Variants in CASC3 observed in about 807,000 individuals in gnomAD.
CASC3 encodes CASC3 exon junction complex subunit.
Under a neutral mutation model 80.5 loss-of-function variants are expected in CASC3, and 30 were observed. The observed-to-expected ratio is 0.37, with a 90% CI of 0.28 to 0.51. The LOEUF (loss-of-function observed/expected upper bound fraction) is 0.51. CASC3 is among the 20% of genes least tolerant of loss of function. CASC3 has a pLI of 0.94. For missense variants in CASC3, 824 were observed against 922.2 expected, an observed-to-expected ratio of 0.89 and a Z score of 1.38; for synonymous variants, 312 against 333.6, an observed-to-expected ratio of 0.94 and a Z score of 0.70.
rs1472990739 is a variant in CASC3 at position 40,168,024 on chromosome 17, C to G, written c.1750+76C>G. ...TGGGAGTGCCACAAAACCCATCCTC[C>G]TGAGCTTTGTGCTGCTAGCCTGGGA... On this transcript the variant is annotated intron_variant, in intron 10 of 13. Coordinates refer to ENST00000264645, the MANE Select transcript of CASC3 (RefSeq NM_007359.5). The G allele has an allele frequency of 1.3e-5, 19 of 1,458,870 alleles. No homozygotes were observed. In the East Asian group the frequency reaches 4.1e-4, roughly 31 times the overall value. The allele number at this position is 1,458,870 out of a possible 1,614,324, so 90.4% of individuals were successfully genotyped here.
At chr17:40,145,971 C>T (rs951637794) in intron 3 of CASC3, among the ~76,000 whole-genome samples, 2 of 152,044 alleles carry the variant, frequency 1.3e-5, no homozygotes, top group African/African-American at 4.8e-5. Context: ...ATCCAGAGAA[C>T]ACTTGCATCA....
At chr17:40,167,134 G>C (rs1228875468) in intron 8 of CASC3, 1 of 493,096 alleles carries the variant, frequency 2.0e-6, no homozygotes, top group Non-Finnish European at 3.5e-6. Context: ...GCTAATTTTT[G>C]TATTTTTAGT....
chr17:40,166,204 T>C (rs944927745), intron 7 of CASC3, among the ~76,000 whole-genome samples: 1 of 152,254 alleles, frequency 6.6e-6, no homozygotes, highest in Non-Finnish European at 1.5e-5. Context: ...TCCAGCCAGA[T>C]AGATCAAAGG....
chr17:40,150,353 C>A (rs1381045997), intron 3 of CASC3, among the ~76,000 whole-genome samples: 1 of 151,908 alleles, frequency 6.6e-6, no homozygotes, highest in Non-Finnish European at 1.5e-5. Context: ...CCCTGGGTAA[C>A]AGTGTGAGAC....
At chr17:40,161,689 G>A in intron 3 of CASC3, 64 bp from the exon 4 acceptor site, 1 of 1,422,422 alleles carries the variant, frequency 7.0e-7, no homozygotes, top group Admixed American at 1.8e-5. Context: ...TTGGGGGCAG[G>A]GGTGGGAATT....
At chr17:40,145,919 C>G (rs1988850114) in intron 3 of CASC3, among the ~76,000 whole-genome samples, 1 of 151,982 alleles carries the variant, frequency 6.6e-6, no homozygotes, top group African/African-American at 2.4e-5. Context: ...GCATGAGCCA[C>G]TATGCTTTGT....
chr17:40,140,557 C>T lies in CASC3; in HGVS notation c.9C>T (p.Asp3=), dbSNP rs1284352052. The T allele has an allele frequency of 1.2e-6, 2 of 1,607,646 alleles. No homozygotes were observed. The highest frequency in any genetic ancestry group is 1.1e-5 in the South Asian group (1 of 91,066). ...TGGCCGTTCTCCGTAAGATGGCGGA[C>T]CGGCGGCGGCAGCGCGCTTCGCAAG... MA[D]RRRQRASQDT... The change falls in exon 1 of 14, where the codon GAC becomes GAT. Residue 3 remains aspartate (D), a synonymous_variant. Coordinates refer to ENST00000264645, the MANE Select transcript of CASC3 (RefSeq NM_007359.5).
intron 8 of CASC3, chr17:40,167,218 C>T: frequency 1.9e-6 from 1 of 521,038 alleles, no homozygotes; most frequent in Non-Finnish European, 3.4e-6. Flanking sequence ...CCTGGCCTCC[C>T]AAAGTATTGG....
chr17:40,162,182 T>C, intron 5 of CASC3, 29 bp downstream of exon 5: 1 of 1,601,090 alleles, frequency 6.2e-7, no homozygotes, highest in Non-Finnish European at 8.5e-7. Flanking sequence ...TGCTGCTGTC[T>C]AACATGTATT....
Position 40,170,652 on chromosome 17 carries a change from G to A in CASC3, c.*247G>A. 1.0e-6 allele frequency: 1 copy of A among 985,522 alleles called. No individual in the cohort carries two copies. The highest frequency in any genetic ancestry group is 1.2e-6 in the Non-Finnish European group (1 of 829,942). The allele number at this position is 985,522 out of a possible 1,614,324, so 61.0% of individuals were successfully genotyped here. On this transcript the variant is annotated 3_prime_UTR_variant, in exon 14 of 14. Transcript: ENST00000264645. ...TTCACTTGAGTTGGCTGTGTTCGGG[G>A]GAGCAGAGAGAGCCAGACAGCCCCA...
chr17:40,154,293 T>G (rs1042762584), intron 3 of CASC3, among the ~76,000 whole-genome samples: 1 of 152,074 alleles, frequency 6.6e-6, no homozygotes. Flanking sequence ...GCAAGCAGTC[T>G]TCCCACCTCA....
intron 10 of CASC3, 57 bp from the exon 11 acceptor site, chr17:40,168,146 C>A: frequency 2.0e-6 from 3 of 1,497,338 alleles, no homozygotes; most frequent in Non-Finnish European, 2.8e-6. Flanking sequence ...TCCAGCCGGG[C>A]CATCCTGTGA....
chr17:40,141,619 A>G lies in CASC3; in HGVS notation c.297+12A>G, dbSNP rs1224467044. ...CAGAAGACTCGGAAGTGAGTATGAC[A>G]GGTTTTTTCCTATGGTATAGATCAG... is the stretch of plus-strand genomic sequence containing the variant. On this transcript the variant is annotated intron_variant, in intron 3 of 13. Transcript: ENST00000264645. The G allele has an allele frequency of 6.2e-7, 1 of 1,609,200 alleles. No homozygotes were observed. Among genetic ancestry groups the G allele is most frequent in the Admixed American group, 1.7e-5 (1 of 59,960 alleles).
chr17:40,160,625 C>CTGTTTTTT (rs961910763), intron 3 of CASC3, among the ~76,000 whole-genome samples: 22 of 152,058 alleles, frequency 1.4e-4, no homozygotes, highest in African/African-American at 2.9e-4. Context: ...GAGGCTGCCG[C>CTGTTTTTT]TGTTTTTTTG....
chr17:40,158,117 A>G (rs900001496), intron 3 of CASC3, among the ~76,000 whole-genome samples: 1 of 152,246 alleles, frequency 6.6e-6, no homozygotes, highest in Admixed American at 6.5e-5. Flanking sequence ...TCCAGCGTCA[A>G]CTATACCCAG....
chr17:40,141,397 C>CTTCA (rs1988713332), intron 2 of CASC3, 163 bp downstream of exon 2: 1 of 838,944 alleles, frequency 1.2e-6, no homozygotes. Context: ...GCAGTATAGT[C>CTTCA]TTCAGCAAGT....
rs1361989919 is a variant in CASC3 at position 40,157,369 on chromosome 17, AT to A, written c.298-4382del. On this transcript the variant is annotated intron_variant, in intron 3 of 13. Transcript: ENST00000264645. ...AATAAATAAATAAATAAATAAATAA[AT>A]TAATTAATTAATTAATTAAAAGGGG... 8.3e-3 allele frequency among the ~76,000 whole-genome samples: 1,127 copies of A among 136,214 alleles called. 10 individuals carry two copies. The highest frequency in any genetic ancestry group is 0.028 in the African/African-American group (933 of 33,904). The allele number at this position is 136,214 out of a possible 152,430, so 89.4% of individuals were successfully genotyped here. A position where few individuals can be genotyped will look rare whatever the true frequency, so the allele number is the denominator to read the frequency against.
At chr17:40,140,885 C>CT (rs1369021876) in intron 1 of CASC3, 106 bp downstream of exon 1, 49 of 913,296 alleles carry the variant, frequency 5.4e-5, no homozygotes, top group Non-Finnish European at 6.3e-5. Context: ...GATACTGGGA[C>CT]TTTTTTTTGT....
At chr17:40,145,262 C>G (rs745819893) in intron 3 of CASC3, among the ~76,000 whole-genome samples, 1 of 151,798 alleles carries the variant, frequency 6.6e-6, no homozygotes, top group Admixed American at 6.6e-5. Flanking sequence ...GCCTCCGCCC[C>G]GCCTGGTTCA....
Sources: gnomAD v4.1 joint callset for allele counts (sites outside exome capture counted in the v4.1 genomes callset) on GRCh38, gnomAD v4.1.1 for gene constraint, MANE v1.5 for transcripts, NCBI Gene and HGNC (gene_info 2026-07-23, HGNC 2026-07-21) for gene names.